Variants in MVB12B observed in about 807,000 individuals in gnomAD.
MVB12B encodes multivesicular body subunit 12B.
Under a neutral mutation model 41.6 loss-of-function variants are expected in MVB12B, and 16 were observed. The ratio of observed to expected loss-of-function variants is 0.38; its 90% CI spans 0.26 to 0.58. The LOEUF (loss-of-function observed/expected upper bound fraction) is 0.58. MVB12B is among the 20% of genes least tolerant of loss of function. MVB12B has a pLI of 0.62. For missense variants in MVB12B, 274 were observed against 380.2 expected (o/e 0.72, Z 2.32); for synonymous variants, 133 against 139.7 (o/e 0.95, Z 0.34).
intron 7 of MVB12B, among the ~76,000 whole-genome samples, chr9:126,456,032 A>G (rs1027699191): frequency 4.0e-5 from 6 of 151,734 alleles, no homozygotes; most frequent in Admixed American, 6.6e-5. Flanking sequence ...CTGGGATCAC[A>G]GGTACCCGCC....
In MVB12B at chr9:126,389,104, C is replaced by T. The variant is rs146862810; in HGVS notation, c.409+2446C>T. ...CAGGGGTCCTGGTTGGGAAGTTTCT[C>T]CCTTGTGACTGGGAGTACACAGGTT... On this transcript the variant is annotated intron_variant, in intron 4 of 9. Transcript: ENST00000361171. The surrounding 1 kb of genome is among the most constrained non-coding windows in gnomAD (Gnocchi z 4.4). Among the ~76,000 whole-genome samples, 1,653 of 152,318 alleles carry T rather than the reference C, an allele frequency of 0.011. 7 individuals are homozygous for T. The highest frequency in any genetic ancestry group is 0.019 in the Non-Finnish European group (1,290 of 68,030).
intron 2 of MVB12B, among the ~76,000 whole-genome samples, chr9:126,365,721 A>G (rs2118907436): frequency 6.6e-6 from 1 of 152,324 alleles, no homozygotes; most frequent in Non-Finnish European, 1.5e-5. Context: ...TGCTCATTTT[A>G]TAAATCCACT....
chr9:126,342,308 C>G (rs1588087361), intron 2 of MVB12B, among the ~76,000 whole-genome samples: 1 of 152,260 alleles, frequency 6.6e-6, no homozygotes, highest in Non-Finnish European at 1.5e-5. Flanking sequence ...CCCATGCCCT[C>G]TTTTGTTGAT....
At chr9:126,477,484 T>C (rs1050431518) in intron 7 of MVB12B, among the ~76,000 whole-genome samples, 5 of 152,238 alleles carry the variant, frequency 3.3e-5, no homozygotes, top group African/African-American at 1.2e-4. Context: ...AGAGGTTTAA[T>C]GGACTCACAG....
intron 2 of MVB12B, among the ~76,000 whole-genome samples, chr9:126,362,246 C>A (rs1022198974): frequency 2.0e-5 from 3 of 151,968 alleles, no homozygotes; most frequent in Admixed American, 2.0e-4. Context: ...TATTGAACCA[C>A]TAGATATTGT....
At chr9:126,402,627 G>A (rs1375578188) in intron 6 of MVB12B, among the ~76,000 whole-genome samples, 3 of 151,808 alleles carry the variant, frequency 2.0e-5, no homozygotes, top group South Asian at 2.1e-4. Flanking sequence ...CAGCCTGGGC[G>A]ACAGTGCAAG....
At chr9:126,404,381 G>C (rs971054085) in intron 6 of MVB12B, among the ~76,000 whole-genome samples, 2 of 152,194 alleles carry the variant, frequency 1.3e-5, no homozygotes, top group Non-Finnish European at 2.9e-5. Context: ...CAAGTGTCAG[G>C]GCTAGGATCT....
chr9:126,393,140 G>A (rs769678194), intron 5 of MVB12B, among the ~76,000 whole-genome samples: 5 of 152,192 alleles, frequency 3.3e-5, no homozygotes, highest in African/African-American at 4.8e-5. Flanking sequence ...GAAATCCCAG[G>A]GTTTCACTTA....
intron 9 of MVB12B, among the ~76,000 whole-genome samples, chr9:126,497,439 T>C (rs1172194337): frequency 1.3e-5 from 2 of 152,056 alleles, no homozygotes; most frequent in African/African-American, 2.4e-5. Flanking sequence ...AGCTGTGCCC[T>C]GACCCCGAGG....
At chr9:126,388,988 G>T (rs1830873941) in intron 4 of MVB12B, among the ~76,000 whole-genome samples, 1 of 152,210 alleles carries the variant, frequency 6.6e-6, no homozygotes, top group South Asian at 2.1e-4. Flanking sequence ...GCCACAATGG[G>T]TTTTCCATTC....
At chr9:126,488,343 CCA>C (rs1491395629) in intron 9 of MVB12B, among the ~76,000 whole-genome samples, 77 of 25,250 alleles carry the variant, frequency 3.0e-3, no homozygotes, top group South Asian at 0.015. Context: ...TACCATTAAA[CCA>C]AAAAAAAAAA....
At chr9:126,372,361 T>C (rs925534441) in intron 2 of MVB12B, among the ~76,000 whole-genome samples, 7 of 152,234 alleles carry the variant, frequency 4.6e-5, no homozygotes, top group Non-Finnish European at 7.3e-5. Context: ...ATGTAGACGC[T>C]TGTTTTCATT....
rs1356792000 is a variant in MVB12B, at chr9:126,444,710, A to G, written c.757+22762A>G. On this transcript the variant is annotated intron_variant, in intron 7 of 9. Coordinates refer to ENST00000361171, the MANE Select transcript of MVB12B (RefSeq NM_033446.3). ...TCTCGGTTTTCTGGTATATTCTAGT[A>G]CCTTCATTTTTTTTAACATTTAAAT... Among the ~76,000 whole-genome samples, 6 of 151,972 alleles carry G rather than the reference A, an allele frequency of 3.9e-5. No homozygotes were observed. The East Asian group carries it at 1.2e-3, about 29-fold the overall frequency.
intron 7 of MVB12B, among the ~76,000 whole-genome samples, chr9:126,479,914 C>A (rs541204213): frequency 6.6e-6 from 1 of 152,282 alleles, no homozygotes; most frequent in East Asian, 1.9e-4. Context: ...TGGGAGGATC[C>A]GTTCCAGGTT....
intron 7 of MVB12B, among the ~76,000 whole-genome samples, chr9:126,438,294 T>A (rs1832541083): frequency 6.6e-6 from 1 of 152,206 alleles, no homozygotes; most frequent in South Asian, 2.1e-4. Context: ...AATCTTATTC[T>A]ATTAACAGAG....
intron 6 of MVB12B, among the ~76,000 whole-genome samples, chr9:126,419,238 T>C (rs180980763): frequency 6.6e-6 from 1 of 152,290 alleles, no homozygotes; most frequent in South Asian, 2.1e-4. Context: ...GAAATCTTAG[T>C]CTGGCAGCCA....
Position 126,398,769 on chromosome 9 carries a change from A to T in MVB12B, c.662+3072A>T, listed in dbSNP as rs1243897667. On this transcript the variant is annotated intron_variant, in intron 6 of 9. Coordinates refer to ENST00000361171, the MANE Select transcript of MVB12B (RefSeq NM_033446.3). ...TGGCCCAGGCCAGCCAGGAGGACCT[A>T]GGAAGCGGTGGGTCACAGATCTTGC... Among the ~76,000 whole-genome samples, 419 of 152,334 alleles carry T rather than the reference A, an allele frequency of 2.8e-3. 1 individual carries two copies. Among genetic ancestry groups the T allele is most frequent in the African/African-American group, 9.7e-3 (404 of 41,552 alleles).
intron 9 of MVB12B, among the ~76,000 whole-genome samples, chr9:126,495,545 A>G (rs990612338): frequency 1.8e-4 from 27 of 152,156 alleles, no homozygotes; most frequent in African/African-American, 6.0e-4. Context: ...CATCCTATAC[A>G]TGCACACACA....
intron 6 of MVB12B, among the ~76,000 whole-genome samples, chr9:126,402,804 G>A (rs1365181062): frequency 2.0e-5 from 3 of 152,228 alleles, no homozygotes; most frequent in Non-Finnish European, 4.4e-5. Context: ...AGCCACACAT[G>A]CTTTTTGTTT....
Sources: gnomAD v4.1 joint callset for allele counts (sites outside exome capture counted in the v4.1 genomes callset) on GRCh38, gnomAD v4.1.1 for gene constraint, Gnocchi (gnomAD v3.1) non-coding constraint, MANE v1.5 for transcripts, NCBI Gene and HGNC (gene_info 2026-07-23, HGNC 2026-07-21) for gene names.